Variants in AK5 observed in about 807,000 individuals in gnomAD.
AK5 encodes adenylate kinase isoenzyme 5.
In AK5, 27 loss-of-function variants were observed where a neutral mutation model predicts 69.5. That is an observed-to-expected ratio of 0.39 (90% confidence interval 0.29 to 0.54). The LOEUF (loss-of-function observed/expected upper bound fraction) is 0.54, where lower values mean the gene tolerates loss of function less well. AK5 is among the 20% of genes least tolerant of loss of function. The pLI is 0.71. For missense variants in AK5, 531 were observed against 700.4 expected, an observed-to-expected ratio of 0.76 and a Z score of 2.73; for synonymous variants, 260 against 244.4, an observed-to-expected ratio of 1.06 and a Z score of -0.60.
At chr1:77,466,396 CAGTT>C (rs377207434) in intron 8 of AK5, among the ~76,000 whole-genome samples, 1 of 152,190 alleles carries the variant, frequency 6.6e-6, no homozygotes, top group African/African-American at 2.4e-5. Flanking sequence ...TACCTAATAT[CAGTT>C]AGCTAGACAT....
chr1:77,437,787 GT>G (rs112063356), intron 8 of AK5, among the ~76,000 whole-genome samples: 19 of 151,294 alleles, frequency 1.3e-4, no homozygotes, highest in Admixed American at 4.0e-4. Context: ...TATTTAAAGG[GT>G]TTTTTTTTCC....
chr1:77,381,733 A>G (rs1647648362), intron 6 of AK5, among the ~76,000 whole-genome samples: 1 of 152,168 alleles, frequency 6.6e-6, no homozygotes, highest in Non-Finnish European at 1.5e-5. Flanking sequence ...CATTACCACT[A>G]TTCTCCTACT....
chr1:77,492,471 C>T (rs1004347258), intron 10 of AK5, among the ~76,000 whole-genome samples: 2 of 152,170 alleles, frequency 1.3e-5, no homozygotes, highest in Non-Finnish European at 2.9e-5. Flanking sequence ...CTGTGGACCA[C>T]ACTTTGAGAA....
intron 6 of AK5, among the ~76,000 whole-genome samples, chr1:77,342,946 A>G (rs563241865): frequency 2.8e-4 from 42 of 152,266 alleles, no homozygotes; most frequent in African/African-American, 9.4e-4. Flanking sequence ...GCAGAGCTAA[A>G]TAAACAAAGG....
chr1:77,290,727 T>C (rs893655510), intron 2 of AK5, among the ~76,000 whole-genome samples: 2 of 152,224 alleles, frequency 1.3e-5, no homozygotes, highest in African/African-American at 4.8e-5. Flanking sequence ...CTTCTTTTCC[T>C]GTTTCCATGA....
chr1:77,554,017 A>C (rs1421908490), intron 13 of AK5, among the ~76,000 whole-genome samples: 1 of 152,220 alleles, frequency 6.6e-6, no homozygotes, highest in Non-Finnish European at 1.5e-5. Context: ...AACATAAACG[A>C]ACCTTGAAAA....
intron 6 of AK5, among the ~76,000 whole-genome samples, chr1:77,376,451 C>CA (rs762576175): frequency 0.23 from 9,505 of 40,962 alleles, 432 homozygotes; most frequent in East Asian, 0.46. Context: ...AAAAAAAAAA[C>CA]AAAAAAAAAA....
At position 77,558,887 on chromosome 1, in the gene AK5, A is replaced by ACTT. The variant is rs1570367175; in HGVS notation, c.*219_*221dup. ...GGGACTATATCAACCTATTCTCCACACTTCAGACAACTGTCTGCACTCACG... is the reference window on the plus strand; with the variant it reads ...GGGACTATATCAACCTATTCTCCACACTTCTTCAGACAACTGTCTGCACTCACG... On this transcript the variant is annotated 3_prime_UTR_variant, in exon 14 of 14. Transcript: ENST00000354567. The ACTT allele has an allele frequency of 5.9e-6, 3 of 506,868 alleles. No homozygotes were observed. Among genetic ancestry groups the ACTT allele is most frequent in the African/African-American group, 1.9e-5 (1 of 51,646 alleles). 31.4% of individuals were successfully genotyped at this position (506,868 alleles called of 1,614,324 possible).
At chr1:77,441,600 G>A (rs1335739927) in intron 8 of AK5, among the ~76,000 whole-genome samples, 39 of 152,242 alleles carry the variant, frequency 2.6e-4, no homozygotes. Flanking sequence ...CAGTGGTTTA[G>A]GCTGTAGGAC....
chr1:77,297,110 G>A (rs940741763), intron 3 of AK5, among the ~76,000 whole-genome samples: 1 of 152,120 alleles, frequency 6.6e-6, no homozygotes, highest in South Asian at 2.1e-4. Flanking sequence ...ACTGGTAGGC[G>A]TTTGTCTAAA....
intron 8 of AK5, among the ~76,000 whole-genome samples, chr1:77,440,687 C>CT (rs1372962726): frequency 4.0e-5 from 6 of 151,190 alleles, no homozygotes; most frequent in Admixed American, 6.6e-5. Flanking sequence ...CTTTTTCATT[C>CT]TTTTTTTTTC....
In AK5 at chr1:77,557,244, G is replaced by A. The variant is rs139402276; in HGVS notation, c.1621-1358G>A. On this transcript the variant is annotated intron_variant, in intron 13 of 13. Coordinates refer to ENST00000354567, the MANE Select transcript of AK5 (RefSeq NM_174858.3). ...TTTATTATTATTTTTTTTTGTCAGC[G>A]TGTGATTACTCATGTCTCCTGACTG... 5.2e-4 allele frequency: 90 copies of A among 174,566 alleles called. 1 individual carries two copies. In the East Asian group the frequency reaches 5.2e-3, roughly 10 times the overall value. 10.8% of individuals were successfully genotyped at this position (174,566 alleles called of 1,614,324 possible).
intron 6 of AK5, among the ~76,000 whole-genome samples, chr1:77,363,440 C>T (rs766445040): frequency 6.6e-6 from 1 of 152,204 alleles, no homozygotes; most frequent in Non-Finnish European, 1.5e-5. Flanking sequence ...AGTCTAGTCA[C>T]ATAGCAGCCC....
At position 77,283,434 on chromosome 1, in the gene AK5, T is replaced by TC. The variant is rs1250952715; in HGVS notation, c.60+1067dup. 1.7e-5 allele frequency: 17 copies of TC among 974,492 alleles called. No individual in the cohort carries two copies. The Admixed American group carries it at 6.2e-4, about 36-fold the overall frequency. The allele number at this position is 974,492 out of a possible 1,614,324, so 60.4% of individuals were successfully genotyped here. On this transcript the variant is annotated intron_variant, in intron 1 of 13. Transcript: ENST00000354567. ...GTAAACTAAAGGTCATGAGGGTTTT[T>TC]CCCCCCGGTTTGGGGGATTTGTTCT...
At chr1:77,545,438 A>C (rs1659491726) in intron 13 of AK5, among the ~76,000 whole-genome samples, 1 of 152,218 alleles carries the variant, frequency 6.6e-6, no homozygotes, top group African/African-American at 2.4e-5. Context: ...ATAGCTATAT[A>C]ATATGCCACA....
Position 77,321,197 on chromosome 1 carries a change from C to T in AK5, c.700-19180C>T, listed in dbSNP as rs141214513. Among the ~76,000 whole-genome samples the T allele has an allele frequency of 2.0e-4, 30 of 152,188 alleles. No individual in the cohort carries two copies. In the East Asian group the frequency reaches 4.1e-3, roughly 21 times the overall value. ...GCCATTAATACAAGTCTCGGCCGGG[C>T]GTGGTGGCTCACTCCTATAATCCCA... On this transcript the variant is annotated intron_variant, in intron 5 of 13. Transcript: ENST00000354567.
intron 8 of AK5, among the ~76,000 whole-genome samples, chr1:77,470,684 G>C (rs948919306): frequency 1.3e-5 from 2 of 151,336 alleles, no homozygotes; most frequent in African/African-American, 2.4e-5. Flanking sequence ...ATATTTGTTT[G>C]ACAAATAGTT....
rs763945389 is a variant in AK5, at chr1:77,559,743, TATCA to T, written c.*1078_*1081del. 5.9e-5 allele frequency: 9 copies of T among 152,212 alleles called. No homozygotes were observed. Among genetic ancestry groups the T allele is most frequent in the East Asian group, 1.9e-4 (1 of 5,194 alleles). 9.4% of individuals were successfully genotyped at this position (152,212 alleles called of 1,614,324 possible). On this transcript the variant is annotated 3_prime_UTR_variant, in exon 14 of 14. Coordinates refer to ENST00000354567, the MANE Select transcript of AK5 (RefSeq NM_174858.3). ...GTGAAGTTTGGGTTCTCTTTTGTGC[TATCA>T]ATCAGTTGTAAAATCAGAGCTGCTT...
At chr1:77,408,729 A>G (rs1024036056) in intron 6 of AK5, among the ~76,000 whole-genome samples, 2 of 151,324 alleles carry the variant, frequency 1.3e-5, no homozygotes, top group African/African-American at 4.9e-5. Context: ...AGTTATTTTT[A>G]TTTTTGTTTG....
Sources: gnomAD v4.1 joint callset for allele counts (sites outside exome capture counted in the v4.1 genomes callset) on GRCh38, gnomAD v4.1.1 for gene constraint, MANE v1.5 for transcripts, NCBI Gene and HGNC (gene_info 2026-07-23, HGNC 2026-07-21) for gene names.